The following TTBK2 variants were observed in gnomAD, a reference collection of about 807,000 sequenced individuals.
TTBK2 encodes the protein tau-tubulin kinase 2.
Under a neutral mutation model 110.8 loss-of-function variants are expected in TTBK2, and 28 were observed. That is an observed-to-expected ratio of 0.25 (90% confidence interval 0.19 to 0.35). TTBK2 has a LOEUF of 0.35. Ranked by LOEUF, TTBK2 falls within the 10% of genes least tolerant of loss-of-function variation. TTBK2 has a pLI of 1.00. For synonymous variants in TTBK2, 532 were observed against 527.3 expected (o/e 1.01, Z -0.12); for missense variants, 1,369 against 1,500.3 (o/e 0.91, Z 1.45).
chr15:42,754,640 A>G (rs993892688), intron 13 of TTBK2, among the ~76,000 whole-genome samples: 20 of 145,122 alleles, frequency 1.4e-4, no homozygotes, highest in South Asian at 7.0e-4. Flanking sequence ...TAGGTGATCC[A>G]CCCACCTCGG....
rs143881099 is a variant in TTBK2, at chr15:42,846,547, C to T, written c.218-6114G>A. ...AGATGTGGAATGCATGGATGTGGAA[C>T]CCACTGACAGGAACAACCAACTATA... On this transcript the variant is annotated intron_variant, in intron 3 of 14. Transcript: ENST00000267890. Among the ~76,000 whole-genome samples, 192 of 152,226 alleles carry T rather than the reference C, an allele frequency of 1.3e-3. 2 individuals carry two copies. The highest frequency in any genetic ancestry group is 4.0e-3 in the African/African-American group (168 of 41,540).
At position 42,779,587 on chromosome 15, in the gene TTBK2, G is replaced by A. The variant is rs115573387; in HGVS notation, c.1198-2345C>T. The stretch of plus-strand genomic sequence containing the variant: ...AGGAACTTCTGAAGGAAATATTTCC[G>A]GAAGAAAGATGAGCCAAGGACTTTC... On this transcript the variant is annotated intron_variant, in intron 11 of 14. Transcript: ENST00000267890. 5.3e-3 allele frequency among the ~76,000 whole-genome samples: 806 copies of A among 152,228 alleles called. 9 individuals carry two copies. The highest frequency in any genetic ancestry group is 0.018 in the African/African-American group (755 of 41,530).
At chr15:42,804,587 T>C (rs2140907225) in intron 9 of TTBK2, among the ~76,000 whole-genome samples, 1 of 152,322 alleles carries the variant, frequency 6.6e-6, no homozygotes, top group Admixed American at 6.5e-5. Flanking sequence ...TATGGTGCTA[T>C]TTCTACTAAA....
intron 4 of TTBK2, among the ~76,000 whole-genome samples, chr15:42,834,230 T>C (rs1406966430): frequency 2.1e-5 from 3 of 145,886 alleles, no homozygotes; most frequent in African/African-American, 5.2e-5. Context: ...GAGATAAAAA[T>C]GTAAGTAGAA....
At chr15:42,862,298 G>T (rs1262528986) in intron 3 of TTBK2, among the ~76,000 whole-genome samples, 1 of 152,048 alleles carries the variant, frequency 6.6e-6, no homozygotes, top group African/African-American at 2.4e-5. Flanking sequence ...AAAACTTCGG[G>T]CCAATATCCA....
chr15:42,878,185 T>C (rs907032002), intron 2 of TTBK2, among the ~76,000 whole-genome samples: 1 of 151,062 alleles, frequency 6.6e-6, no homozygotes, highest in African/African-American at 2.4e-5. Context: ...GGTTTCATCG[T>C]GTTAGCCAAG....
chr15:42,805,288 C>G (rs1000761269), intron 9 of TTBK2, among the ~76,000 whole-genome samples: 2 of 152,174 alleles, frequency 1.3e-5, no homozygotes, highest in Non-Finnish European at 2.9e-5. Context: ...GGCCCTGGCT[C>G]TTAAGGAGCT....
At chr15:42,779,300 T>G (rs1450933903) in intron 11 of TTBK2, among the ~76,000 whole-genome samples, 1 of 151,228 alleles carries the variant, frequency 6.6e-6, no homozygotes, top group Non-Finnish European at 1.5e-5. Flanking sequence ...TCCCGGCTAC[T>G]CGGGAGGCTG....
rs2061878054 is a variant in TTBK2 at position 42,752,384 on chromosome 15, T to G, written c.2862A>C (p.Ser954=). 1.2e-6 allele frequency: 2 copies of G among 1,614,242 alleles called. No individual in the cohort carries two copies. Among genetic ancestry groups the G allele is most frequent in the African/African-American group, 2.7e-5 (2 of 75,062 alleles). Residue 954 remains serine (S), a synonymous_variant, in exon 14 of 15, where the codon TCA becomes TCC. Transcript: ENST00000267890. ...AAACTGGAGAGGATGATTCCAAAGT[T>G]GAGTCTATCTCTTGTGCTAAAACAG... The part of the protein sequence containing the change: ...RIPVLAQEID[S]TLESSSPVSA...
At chr15:42,920,182 C>G (rs1420593046) in intron 1 of TTBK2, among the ~76,000 whole-genome samples, 1 of 152,170 alleles carries the variant, frequency 6.6e-6, no homozygotes, top group Non-Finnish European at 1.5e-5. Context: ...TCGTGACCCT[C>G]CAAGTTCAGT....
chr15:42,845,432 G>A (rs570407907), intron 3 of TTBK2, among the ~76,000 whole-genome samples: 47 of 151,844 alleles, frequency 3.1e-4, no homozygotes, highest in African/African-American at 9.4e-4. Context: ...TTGGGAGGCC[G>A]AGGTGGGTGG....
In TTBK2 at chr15:42,775,085, T is replaced by C. The variant is rs116584140; in HGVS notation, c.1998+50A>G. On this transcript the variant is annotated intron_variant, in intron 13 of 14. Coordinates refer to ENST00000267890, the MANE Select transcript of TTBK2 (RefSeq NM_173500.4). ...TGATCAACTGTTAGTCCTTTCTTAA[T>C]AGCACCTTGAGTGGATAACAGAGAA... 6.8e-4 allele frequency: 1,080 copies of C among 1,582,018 alleles called. 6 individuals are homozygous for C. In the African/African-American group the frequency reaches 0.013, roughly 19 times the overall value.
chr15:42,846,948 C>T (rs1893493168), intron 3 of TTBK2, among the ~76,000 whole-genome samples: 1 of 152,330 alleles, frequency 6.6e-6, no homozygotes, highest in African/African-American at 2.4e-5. Context: ...AAGCTCCCCA[C>T]TCCCCCATAC....
At position 42,845,730 on chromosome 15, in the gene TTBK2, CA is replaced by C. The variant is rs200487026; in HGVS notation, c.218-5298del. ...TATACAGTCAGGCTTTGCAAAACAA[CA>C]GGGATATGTGCTGAGAAATGCATCC... On this transcript the variant is annotated intron_variant, in intron 3 of 14. Transcript: ENST00000267890. Among the ~76,000 whole-genome samples, 553 of 145,220 alleles carry C rather than the reference CA, an allele frequency of 3.8e-3. 2 individuals carry two copies. Among genetic ancestry groups the C allele is most frequent in the African/African-American group, 0.013 (530 of 39,270 alleles).
chr15:42,871,196 T>C (rs1435013691), intron 3 of TTBK2, among the ~76,000 whole-genome samples: 1 of 152,152 alleles, frequency 6.6e-6, no homozygotes, highest in Non-Finnish European at 1.5e-5. Context: ...CAATTTATTT[T>C]TGGAAAATGA....
intron 9 of TTBK2, among the ~76,000 whole-genome samples, chr15:42,799,072 T>C (rs1891064182): frequency 2.0e-5 from 3 of 152,076 alleles, no homozygotes; most frequent in African/African-American, 7.2e-5. Context: ...TACAAAATCC[T>C]AAAAAATCTG....
chr15:42,878,127 C>G (rs1268590930), intron 2 of TTBK2, among the ~76,000 whole-genome samples: 1 of 149,646 alleles, frequency 6.7e-6, no homozygotes, highest in East Asian at 1.9e-4. Flanking sequence ...GGCGCCTGCA[C>G]CACGCCCAGC....
At chr15:42,822,185 TG>T (rs1892333521) in intron 6 of TTBK2, among the ~76,000 whole-genome samples, 2 of 152,352 alleles carry the variant, frequency 1.3e-5, no homozygotes, top group East Asian at 3.9e-4. Context: ...CTTTATCAGA[TG>T]TGCGTTCTGC....
At position 42,739,864 on chromosome 15, in the gene TTBK2, TG is replaced by T. The variant is rs1209916965; in HGVS notation, c.*5930del. On this transcript the variant is annotated 3_prime_UTR_variant, in exon 15 of 15. Transcript: ENST00000267890. ...ACAGAGTTCAGATGTGGTGAAATGC[TG>T]GGCATTGATTCCTCAGGATTTAAAC... is the stretch of plus-strand genomic sequence containing the variant. The T allele has an allele frequency of 6.6e-6, 1 of 152,220 alleles. No homozygotes were observed. The highest frequency in any genetic ancestry group is 1.5e-5 in the Non-Finnish European group (1 of 68,038). The allele number at this position is 152,220 out of a possible 1,614,324, so 9.4% of individuals were successfully genotyped here. A position where few individuals can be genotyped will look rare whatever the true frequency, so the allele number is the denominator to read the frequency against.
Sources: allele counts gnomAD v4.1 joint callset (sites outside exome capture counted in the v4.1 genomes callset), GRCh38; gene constraint gnomAD v4.1.1; transcripts MANE v1.5; gene names NCBI Gene and HGNC (gene_info 2026-07-23, HGNC 2026-07-21).